Variants in P2RY14 observed in about 807,000 individuals in gnomAD.
P2RY14 encodes purinergic receptor P2Y14.
P2RY14 carries 2 observed loss-of-function variants against 0.9 expected under a neutral mutation model. The ratio of observed to expected loss-of-function variants is 2.16; its 90% confidence interval spans 0.88 to 6.79. The LOEUF is 6.79. Among genes scored for constraint, P2RY14 ranks in the 30% most tolerant of loss-of-function variants. P2RY14 has a pLI of 0.05. For synonymous variants in P2RY14, 158 were observed against 147.2 expected, an observed-to-expected ratio of 1.07 and a Z score of -0.53; for missense variants, 378 against 400.1, an observed-to-expected ratio of 0.94 and a Z score of 0.47.
chr3:151,255,573 A>C (rs1737665769), intron 1 of P2RY14, among the ~76,000 whole-genome samples: 2 of 152,198 alleles, frequency 1.3e-5, no homozygotes, highest in Middle Eastern at 3.4e-3. Context: ...AACTGAACAC[A>C]CGCGATTTTT....
intron 1 of P2RY14, among the ~76,000 whole-genome samples, chr3:151,240,923 T>C (rs1016801763): frequency 6.6e-6 from 1 of 152,210 alleles, no homozygotes; most frequent in African/African-American, 2.4e-5. Flanking sequence ...CTTGCCTGAA[T>C]CACTGAACCT....
At chr3:151,238,198 G>A (rs1475841500) in intron 1 of P2RY14, among the ~76,000 whole-genome samples, 1 of 151,826 alleles carries the variant, frequency 6.6e-6, no homozygotes, top group African/African-American at 2.4e-5. Context: ...CCAGGCTGGA[G>A]TGCAGTGGCA....
intron 1 of P2RY14, among the ~76,000 whole-genome samples, chr3:151,228,218 GC>G (rs1372336081): frequency 5.9e-5 from 9 of 152,180 alleles, no homozygotes; most frequent in African/African-American, 2.2e-4. Context: ...GATACAGTGG[GC>G]CTTGGCTACA....
At chr3:151,262,430 T>C (rs1739083133) in intron 1 of P2RY14, among the ~76,000 whole-genome samples, 1 of 152,288 alleles carries the variant, frequency 6.6e-6, no homozygotes, top group African/African-American at 2.4e-5. Flanking sequence ...AATGTAAACA[T>C]GGTACCTATG....
intron 1 of P2RY14, among the ~76,000 whole-genome samples, chr3:151,235,409 C>G (rs1732532720): frequency 6.6e-6 from 1 of 152,050 alleles, no homozygotes; most frequent in African/African-American, 2.4e-5. Flanking sequence ...CTGAAAAGAT[C>G]TAAAAGCAAC....
chr3:151,242,185 C>T (rs535243934), intron 1 of P2RY14, among the ~76,000 whole-genome samples: 30 of 152,340 alleles, frequency 2.0e-4, no homozygotes, highest in Admixed American at 5.9e-4. Flanking sequence ...AAGGCAGCAA[C>T]ACGGCTGGGG....
At chr3:151,249,771 A>C (rs947060177) in intron 1 of P2RY14, among the ~76,000 whole-genome samples, 1 of 152,124 alleles carries the variant, frequency 6.6e-6, no homozygotes, top group African/African-American at 2.4e-5. Flanking sequence ...CAATGCCTGG[A>C]TATTTCCTTC....
chr3:151,239,387 A>G (rs1402759281), intron 1 of P2RY14, among the ~76,000 whole-genome samples: 2 of 152,174 alleles, frequency 1.3e-5, no homozygotes, highest in Non-Finnish European at 2.9e-5. Context: ...ATTTATCTGT[A>G]TGGGATTGGA....
rs189575283 is a variant in P2RY14, at chr3:151,268,377, G to A, written c.-133+9910C>T. ...TAATTTTCTAACATATATACAAAGA[G>A]GAAGAAAATATGGTGAGCATACTGC... On this transcript the variant is annotated intron_variant, in intron 1 of 2. Coordinates refer to ENST00000309170, the MANE Select transcript of P2RY14 (RefSeq NM_014879.4). Among the ~76,000 whole-genome samples the A allele has an allele frequency of 9.9e-4, 151 of 152,242 alleles. 1 individual carries two copies. The highest frequency in any genetic ancestry group is 3.4e-3 in the African/African-American group (142 of 41,548).
chr3:151,231,963 C>T (rs1228139893), intron 1 of P2RY14, among the ~76,000 whole-genome samples: 1 of 151,942 alleles, frequency 6.6e-6, no homozygotes, highest in East Asian at 1.9e-4. Flanking sequence ...GCTTTTTTTG[C>T]TGATATATGC....
intron 1 of P2RY14, among the ~76,000 whole-genome samples, chr3:151,251,008 TTGA>T (rs1394617455): frequency 6.6e-6 from 1 of 152,228 alleles, no homozygotes; most frequent in Non-Finnish European, 1.5e-5. Flanking sequence ...AAGGCAGCTT[TTGA>T]TGATGATTCT....
Position 151,213,447 on chromosome 3 carries a change from C to CA in P2RY14, c.869dup (p.Leu290PhefsTer14). The CA allele has an allele frequency of 1.2e-6, 2 of 1,614,114 alleles. No homozygotes were observed. The highest frequency in any genetic ancestry group is 1.7e-6 in the Non-Finnish European group (2 of 1,180,006). On this transcript the variant is annotated frameshift_variant, in exon 3 of 3. Coordinates refer to ENST00000309170, the MANE Select transcript of P2RY14 (RefSeq NM_014879.4). LOFTEE classifies it high-confidence loss of function. ...ATAGAAAGAAATAAATAATAGGGTC[C>CA]AAGCATACATTTGCAGCAGATAGTA... is the stretch of plus-strand genomic sequence containing the variant.
At chr3:151,216,321 A>T (rs16863250) in intron 2 of P2RY14, among the ~76,000 whole-genome samples, 2 of 152,164 alleles carry the variant, frequency 1.3e-5, no homozygotes, top group African/African-American at 4.8e-5. Flanking sequence ...CAGAGAATGC[A>T]TCTTTTTCAT....
At chr3:151,250,625 A>G (rs1021233910) in intron 1 of P2RY14, among the ~76,000 whole-genome samples, 4 of 152,200 alleles carry the variant, frequency 2.6e-5, no homozygotes, top group African/African-American at 9.6e-5. Context: ...AAGACTGAAT[A>G]ATATTCCGCT....
chr3:151,216,823 G>C (rs1728326579), intron 2 of P2RY14, among the ~76,000 whole-genome samples: 3 of 152,158 alleles, frequency 2.0e-5, no homozygotes. Context: ...GCTGTCTACT[G>C]TGACTAAGAG....
At chr3:151,234,380 A>G (rs987792492) in intron 1 of P2RY14, among the ~76,000 whole-genome samples, 6 of 152,242 alleles carry the variant, frequency 3.9e-5, no homozygotes, top group Admixed American at 1.3e-4. Context: ...GGTATTGCAA[A>G]TAGTTACGTT....
intron 1 of P2RY14, among the ~76,000 whole-genome samples, chr3:151,250,588 G>A (rs1736657645): frequency 6.6e-6 from 1 of 152,128 alleles, no homozygotes; most frequent in Admixed American, 6.5e-5. Context: ...CATGCATTTT[G>A]TAGCATGTGA....
At position 151,242,618 on chromosome 3, in the gene P2RY14, C is replaced by T. The variant is rs1345364093; in HGVS notation, c.-132-22976G>A. 9.8e-5 allele frequency among the ~76,000 whole-genome samples: 15 copies of T among 152,332 alleles called. No individual in the cohort carries two copies. In the East Asian group the frequency reaches 2.5e-3, roughly 25 times the overall value. On this transcript the variant is annotated intron_variant, in intron 1 of 2. Coordinates refer to ENST00000309170, the MANE Select transcript of P2RY14 (RefSeq NM_014879.4). ...CATCCACACCAAAAACCCATCTGTA[C>T]ATCACCATCATCAAAGACCAAAAGT...
At chr3:151,269,223 A>T (rs1577186761) in intron 1 of P2RY14, among the ~76,000 whole-genome samples, 1 of 152,198 alleles carries the variant, frequency 6.6e-6, no homozygotes, top group East Asian at 1.9e-4. Flanking sequence ...CAACATGCAG[A>T]AACCCCATCT....
Sources: allele counts gnomAD v4.1 joint callset (sites outside exome capture counted in the v4.1 genomes callset), GRCh38; gene constraint gnomAD v4.1.1; transcripts MANE v1.5; gene names NCBI Gene and HGNC (gene_info 2026-07-23, HGNC 2026-07-21).